Variants in TMEM132D observed in about 807,000 individuals in gnomAD.
The protein encoded by TMEM132D is transmembrane protein 132D.
In TMEM132D, 21 loss-of-function variants were observed where a neutral mutation model predicts 62.3. The observed-to-expected ratio is 0.34, with a 90% CI of 0.24 to 0.49. The LOEUF is 0.49. Among genes scored for constraint, TMEM132D ranks in the 20% least tolerant of loss-of-function variants. The pLI is 0.99. For synonymous variants in TMEM132D, 621 were observed against 575.6 expected, an observed-to-expected ratio of 1.08 and a Z score of -1.13; for missense variants, 1,346 against 1,402.8, an observed-to-expected ratio of 0.96 and a Z score of 0.65.
At chr12:129,370,676 G>A (rs1045505238) in intron 3 of TMEM132D, among the ~76,000 whole-genome samples, 1 of 152,180 alleles carries the variant, frequency 6.6e-6, no homozygotes, top group African/African-American at 2.4e-5. Flanking sequence ...GTGGTTTATA[G>A]ACACAGTGGA....
intron 2 of TMEM132D, among the ~76,000 whole-genome samples, chr12:129,619,385 A>G (rs1200880498): frequency 1.3e-5 from 2 of 152,228 alleles, no homozygotes; most frequent in African/African-American, 2.4e-5. Flanking sequence ...CTGTGATAGC[A>G]GAGATCCCCA....
In TMEM132D at chr12:129,371,072, G is replaced by A. The variant is rs1409270875; in HGVS notation, c.1116-33255C>T. Among the ~76,000 whole-genome samples, 1 of 152,192 alleles carries A rather than the reference G, an allele frequency of 6.6e-6. No homozygotes were observed. The highest frequency in any genetic ancestry group is 1.5e-5 in the Non-Finnish European group (1 of 68,038). ...CACAAAAAACAGATAAATATTTGAT[G>A]TGATAGACCCAATTACCTTGATTCG... On this transcript the variant is annotated intron_variant, in intron 3 of 8. Transcript: ENST00000422113. This position sits in a 1 kb window ranked among gnomAD's most constrained non-coding sequence, Gnocchi z 4.3.
At chr12:129,319,939 T>C (rs1269585616) in intron 4 of TMEM132D, among the ~76,000 whole-genome samples, 1 of 152,202 alleles carries the variant, frequency 6.6e-6, no homozygotes, top group Non-Finnish European at 1.5e-5. Flanking sequence ...ATGGACTGTG[T>C]CCAGTGAGAT....
chr12:129,528,986 CAT>C (rs993562459), intron 3 of TMEM132D, among the ~76,000 whole-genome samples: 13 of 152,310 alleles, frequency 8.5e-5, no homozygotes, highest in African/African-American at 2.4e-4. Context: ...ACCTATATCA[CAT>C]ATATGTGTTC....
intron 4 of TMEM132D, among the ~76,000 whole-genome samples, chr12:129,311,279 C>A (rs987347813): frequency 6.9e-6 from 1 of 145,182 alleles, no homozygotes; most frequent in African/African-American, 2.6e-5. Context: ...GATCAATAAA[C>A]CTGAAGTCAG....
At chr12:129,185,960 C>T (rs1187725451) in intron 5 of TMEM132D, among the ~76,000 whole-genome samples, 2 of 152,146 alleles carry the variant, frequency 1.3e-5, no homozygotes, top group Admixed American at 6.5e-5. Flanking sequence ...CCTGGAAAAC[C>T]TCTAGTTTGA....
intron 3 of TMEM132D, among the ~76,000 whole-genome samples, chr12:129,416,903 A>C (rs1176668814): frequency 6.6e-6 from 1 of 152,194 alleles, no homozygotes; most frequent in Non-Finnish European, 1.5e-5. Context: ...CAACTTGGTC[A>C]TGGTGGATAA....
chr12:129,697,144 T>A (rs938128130), intron 2 of TMEM132D, among the ~76,000 whole-genome samples: 4 of 152,164 alleles, frequency 2.6e-5, no homozygotes, highest in Non-Finnish European at 5.9e-5. Context: ...ACTCAAACCG[T>A]AGCTGCTGCG....
intron 4 of TMEM132D, among the ~76,000 whole-genome samples, chr12:129,293,892 G>A (rs547072732): frequency 1.3e-4 from 20 of 152,118 alleles, no homozygotes; most frequent in Non-Finnish European, 2.5e-4. Context: ...ACCAATACTG[G>A]TCCATAGCCT....
rs560044833 is a variant in TMEM132D at position 129,518,104 on chromosome 12, A to G, written c.1115+12955T>C. On this transcript the variant is annotated intron_variant, in intron 3 of 8. Transcript: ENST00000422113. ...GAAAGTTTTTTCCCCCCTAAGGAGG[A>G]TAAACAATTTCATTTTCTAATACCT... 5.9e-5 allele frequency among the ~76,000 whole-genome samples: 9 copies of G among 152,306 alleles called. 1 individual carries two copies. In the South Asian group the frequency reaches 1.9e-3, roughly 32 times the overall value.
At chr12:129,690,583 A>G (rs1487861851) in intron 2 of TMEM132D, among the ~76,000 whole-genome samples, 1 of 152,198 alleles carries the variant, frequency 6.6e-6, no homozygotes, top group African/African-American at 2.4e-5. Flanking sequence ...AAAAAGGAAA[A>G]TTATCAGGGA....
chr12:129,175,721 C>T (rs1877885226), intron 5 of TMEM132D, among the ~76,000 whole-genome samples: 1 of 152,126 alleles, frequency 6.6e-6, no homozygotes, highest in African/African-American at 2.4e-5. Flanking sequence ...AATAAATAGG[C>T]AAAGCCATCT....
chr12:129,534,951 A>G (rs1349425806), intron 2 of TMEM132D, among the ~76,000 whole-genome samples: 2 of 152,074 alleles, frequency 1.3e-5, no homozygotes, highest in African/African-American at 4.8e-5. Context: ...TTCTTGTTTA[A>G]CGTAGCCTGA....
intron 4 of TMEM132D, among the ~76,000 whole-genome samples, chr12:129,313,316 C>A (rs190593160): frequency 6.6e-6 from 1 of 152,040 alleles, no homozygotes; most frequent in African/African-American, 2.4e-5. Context: ...TATCCCTTGC[C>A]GTCCTCCTAC....
chr12:129,199,579 C>T (rs1275617011), intron 5 of TMEM132D, among the ~76,000 whole-genome samples: 1 of 152,120 alleles, frequency 6.6e-6, no homozygotes, highest in Non-Finnish European at 1.5e-5. Context: ...CCTGTATTAT[C>T]CATTTTTAAA....
intron 4 of TMEM132D, among the ~76,000 whole-genome samples, chr12:129,294,302 G>A (rs1011043): frequency 6.6e-6 from 1 of 151,972 alleles, no homozygotes; most frequent in South Asian, 2.1e-4. Flanking sequence ...GTCATTAGAT[G>A]AAATATGTTA....
chr12:129,816,886 T>C (rs978363966), intron 1 of TMEM132D, among the ~76,000 whole-genome samples: 2 of 152,196 alleles, frequency 1.3e-5, no homozygotes, highest in African/African-American at 4.8e-5. Flanking sequence ...AAGACAAGAA[T>C]TCTGGAATTT....
rs1593250554 is a variant in TMEM132D, at chr12:129,074,015, A to C, written c.3160T>G (p.Ser1054Ala). 1.9e-6 allele frequency: 3 copies of C among 1,613,836 alleles called. No homozygotes were observed. The highest frequency in any genetic ancestry group is 2.5e-6 in the Non-Finnish European group (3 of 1,179,958). Residue 1054 changes from serine to alanine, a missense_variant, in exon 9 of 9, where the codon TCC becomes GCC. Ser to Ala is a moderately conservative substitution (Grantham distance 99). Coordinates refer to ENST00000422113, the MANE Select transcript of TMEM132D (RefSeq NM_133448.3). ...RVKFTTFTAV[S>A]SDDEYPTRNS... ...CTGGTGGGGTACTCGTCGTCTGAGG[A>C]GACGGCGGTGAAGGTGGTAAATTTT... is the stretch of plus-strand genomic sequence containing the variant.
rs192542526 is a variant in TMEM132D, at chr12:129,371,511, A to G, written c.1116-33694T>C. ...TGATAAAGATGACAGTGGCAATGATAATGGTGGTGATTATGATGATGATTA... is the reference window on the plus strand; with the variant it reads ...TGATAAAGATGACAGTGGCAATGATGATGGTGGTGATTATGATGATGATTA... On this transcript the variant is annotated intron_variant, in intron 3 of 8. Transcript: ENST00000422113. The surrounding 1 kb of genome is among the most constrained non-coding windows in gnomAD (Gnocchi z 4.3). 1.2e-4 allele frequency among the ~76,000 whole-genome samples: 18 copies of G among 151,586 alleles called. No individual in the cohort carries two copies. The highest frequency in any genetic ancestry group is 1.1e-3 in the Admixed American group (16 of 15,204).
Sources: gnomAD v4.1 joint callset for allele counts (sites outside exome capture counted in the v4.1 genomes callset) on GRCh38, gnomAD v4.1.1 for gene constraint, Gnocchi (gnomAD v3.1) non-coding constraint, MANE v1.5 for transcripts, NCBI Gene and HGNC (gene_info 2026-07-23, HGNC 2026-07-21) for gene names.